The following LRP1B variants were observed in gnomAD, a reference collection of about 807,000 sequenced individuals.
LRP1B encodes low-density lipoprotein receptor-related protein 1B.
In LRP1B, 217 loss-of-function variants were observed where a neutral mutation model predicts 556.6. The ratio of observed to expected loss-of-function variants is 0.39; its 90% CI spans 0.35 to 0.44. The LOEUF (loss-of-function observed/expected upper bound fraction) is 0.44. LRP1B is among the 20% of genes least tolerant of loss of function. LRP1B has a pLI of 1.00. For missense variants in LRP1B, 5,053 were observed against 5,620.8 expected, an observed-to-expected ratio of 0.90 and a Z score of 3.23; for synonymous variants, 2,047 against 1,865.8, an observed-to-expected ratio of 1.10 and a Z score of -2.50.
intron 7 of LRP1B, among the ~76,000 whole-genome samples, chr2:141,111,453 T>C (rs534760732): frequency 2.2e-4 from 33 of 152,280 alleles, no homozygotes; most frequent in African/African-American, 7.5e-4. Context: ...TGAAAGGAGT[T>C]AGCCAGCTTG....
At chr2:140,398,519 TTTG>T (rs6146936) in intron 66 of LRP1B, among the ~76,000 whole-genome samples, 4 of 151,186 alleles carry the variant, frequency 2.6e-5, no homozygotes, top group Admixed American at 6.6e-5. Context: ...TTCTTTCTCT[TTTG>T]TTGTTGTTGT....
chr2:141,455,977 GA>G (rs553613544), intron 3 of LRP1B, among the ~76,000 whole-genome samples: 106 of 152,302 alleles, frequency 7.0e-4, no homozygotes, highest in South Asian at 5.4e-3. Flanking sequence ...ATCAAGGTTT[GA>G]GGCTCCTCTA....
chr2:141,819,650 T>C (rs1482186383), intron 1 of LRP1B, among the ~76,000 whole-genome samples: 1 of 152,106 alleles, frequency 6.6e-6, no homozygotes, highest in Non-Finnish European at 1.5e-5. Context: ...CAAAATAACA[T>C]CTAGATAGGA....
chr2:141,470,049 A>G (rs936476898), intron 3 of LRP1B, among the ~76,000 whole-genome samples: 5 of 150,348 alleles, frequency 3.3e-5, no homozygotes, highest in Non-Finnish European at 7.4e-5. Flanking sequence ...CATAGTCTGT[A>G]TAAGATTGGG....
chr2:141,850,537 A>T (rs1233347888), intron 1 of LRP1B, among the ~76,000 whole-genome samples: 1 of 150,838 alleles, frequency 6.6e-6, no homozygotes, highest in Admixed American at 6.7e-5. Flanking sequence ...TAGCATATAT[A>T]TACATTCCTA....
At chr2:141,844,989 C>T (rs530822427) in intron 1 of LRP1B, among the ~76,000 whole-genome samples, 78 of 151,646 alleles carry the variant, frequency 5.1e-4, no homozygotes, top group African/African-American at 1.9e-3. Flanking sequence ...TTGAACTTTT[C>T]TCTTGTCAAA....
intron 1 of LRP1B, among the ~76,000 whole-genome samples, chr2:141,991,768 A>G (rs1702352016): frequency 6.6e-6 from 1 of 152,092 alleles, no homozygotes. Flanking sequence ...GTAGTTTTCA[A>G]CATTACCTTG....
At chr2:142,093,523 C>A (rs1053763964) in intron 1 of LRP1B, among the ~76,000 whole-genome samples, 2 of 151,968 alleles carry the variant, frequency 1.3e-5, no homozygotes, top group African/African-American at 2.4e-5. Context: ...TGAAAATGTC[C>A]CCCTCTCCTT....
intron 1 of LRP1B, among the ~76,000 whole-genome samples, chr2:141,990,022 A>G (rs1702302464): frequency 6.6e-6 from 1 of 152,104 alleles, no homozygotes; most frequent in South Asian, 2.1e-4. Context: ...TATTGATTAG[A>G]TGTCTACAAT....
At chr2:141,527,249 AC>A (rs1233866823) in intron 2 of LRP1B, among the ~76,000 whole-genome samples, 1 of 152,116 alleles carries the variant, frequency 6.6e-6, no homozygotes, top group Non-Finnish European at 1.5e-5. Context: ...TGTTAAAAAT[AC>A]CAACATAATT....
At chr2:140,668,271 C>T (rs931814429) in intron 41 of LRP1B, among the ~76,000 whole-genome samples, 1 of 112,794 alleles carries the variant, frequency 8.9e-6, no homozygotes, top group Non-Finnish European at 1.6e-5. Context: ...GATTGCGCCA[C>T]TGTACTCCAG....
intron 70 of LRP1B, 86 bp downstream of exon 70, chr2:140,371,093 G>A: frequency 1.0e-6 from 1 of 955,432 alleles, no homozygotes; most frequent in Non-Finnish European, 1.5e-6. Flanking sequence ...TAAGAATCAA[G>A]ATTCTTTCTC....
At chr2:142,029,260 A>T (rs955089935) in intron 1 of LRP1B, among the ~76,000 whole-genome samples, 1 of 151,930 alleles carries the variant, frequency 6.6e-6, no homozygotes, top group Non-Finnish European at 1.5e-5. Flanking sequence ...GACCACAATG[A>T]GATATCACTG....
chr2:140,434,129 G>T (rs1205979646), intron 66 of LRP1B, among the ~76,000 whole-genome samples: 1 of 151,904 alleles, frequency 6.6e-6, no homozygotes. Flanking sequence ...GAGTGTAGTG[G>T]TGCGATCTCT....
chr2:141,173,838 C>T (rs1680614240), intron 7 of LRP1B, among the ~76,000 whole-genome samples: 1 of 152,026 alleles, frequency 6.6e-6, no homozygotes, highest in Admixed American at 6.6e-5. Context: ...TCTGTTCTTC[C>T]TGCTATGTGA....
intron 17 of LRP1B, among the ~76,000 whole-genome samples, chr2:140,984,134 G>A (rs1298872744): frequency 6.6e-6 from 1 of 151,694 alleles, no homozygotes; most frequent in Non-Finnish European, 1.5e-5. Context: ...TTGACAGGAA[G>A]GGGTAAAAAT....
chr2:141,902,721 GTGAC>G (rs58187128), intron 1 of LRP1B, among the ~76,000 whole-genome samples: 52,061 of 151,542 alleles, frequency 0.34, 9,652 homozygotes, highest in Admixed American at 0.46. Context: ...GTCTTATTGA[GTGAC>G]TGAGAGTTCT....
intron 2 of LRP1B, among the ~76,000 whole-genome samples, chr2:141,512,598 T>C (rs1574031141): frequency 6.6e-6 from 1 of 152,304 alleles, no homozygotes; most frequent in East Asian, 1.9e-4. Flanking sequence ...CAAACTGTTA[T>C]GTAAAAGGGA....
intron 41 of LRP1B, among the ~76,000 whole-genome samples, chr2:140,678,789 T>C (rs1315353029): frequency 3.0e-5 from 4 of 135,372 alleles, no homozygotes; most frequent in African/African-American, 8.1e-5. Flanking sequence ...TTTTTTTTGG[T>C]TGGGGGGGAA....
Sources: allele counts gnomAD v4.1 joint callset (sites outside exome capture counted in the v4.1 genomes callset), GRCh38; gene constraint gnomAD v4.1.1; transcripts MANE v1.5; gene names NCBI Gene and HGNC (gene_info 2026-07-23, HGNC 2026-07-21).